Variants in VPS13D observed in about 807,000 individuals in gnomAD.
The protein encoded by VPS13D is intermembrane lipid transfer protein VPS13D.
Under a neutral mutation model 461.9 loss-of-function variants are expected in VPS13D, and 187 were observed. That is an observed-to-expected ratio of 0.40 (90% confidence interval 0.36 to 0.46). The LOEUF (loss-of-function observed/expected upper bound fraction) is 0.46. Among genes scored for constraint, VPS13D ranks in the 20% least tolerant of loss-of-function variants. The pLI, the probability that VPS13D is intolerant of heterozygous loss-of-function variation, is 0.60. For synonymous variants in VPS13D, 1,951 were observed against 1,986.3 expected, an observed-to-expected ratio of 0.98 and a Z score of 0.47; for missense variants, 4,711 against 5,364.9, an observed-to-expected ratio of 0.88 and a Z score of 3.81.
chr1:12,385,117 C>G, intron 58 of VPS13D, 143 bp from the exon 59 acceptor site: 1 of 648,400 alleles, frequency 1.5e-6, no homozygotes, highest in African/African-American at 1.9e-5. Flanking sequence ...CAAATCTTAC[C>G]TTACCAGTGC....
chr1:12,375,014 A>G (rs1427829726), intron 55 of VPS13D, among the ~76,000 whole-genome samples: 2 of 152,232 alleles, frequency 1.3e-5, no homozygotes, highest in African/African-American at 4.8e-5. Flanking sequence ...CTGGGATTAC[A>G]GGCCTGAGCC....
At chr1:12,463,131 A>G (rs2100423658) in intron 67 of VPS13D, among the ~76,000 whole-genome samples, 1 of 152,246 alleles carries the variant, frequency 6.6e-6, no homozygotes, top group African/African-American at 2.4e-5. Context: ...CTGCCTAACC[A>G]TTCACTCCTC....
At chr1:12,476,767 G>T (rs1460243180) in intron 67 of VPS13D, among the ~76,000 whole-genome samples, 2 of 152,168 alleles carry the variant, frequency 1.3e-5, no homozygotes, top group Non-Finnish European at 2.9e-5. Flanking sequence ...ACAAGAGATG[G>T]TTTTCTGTGA....
At chr1:12,447,772 C>T (rs991521848) in intron 65 of VPS13D, among the ~76,000 whole-genome samples, 1 of 152,190 alleles carries the variant, frequency 6.6e-6, no homozygotes, top group African/African-American at 2.4e-5. Context: ...GAAATAAATA[C>T]AAAGTACTTT....
intron 62 of VPS13D, chr1:12,402,630 G>A (rs1246010060): frequency 6.6e-6 from 1 of 152,248 alleles, no homozygotes; most frequent in Non-Finnish European, 1.5e-5. Context: ...GTTTAATGCT[G>A]TGTTTTCCAC....
chr1:12,403,733 A>T, intron 62 of VPS13D, 92 bp from the exon 63 acceptor site: 1 of 1,290,078 alleles, frequency 7.8e-7, no homozygotes, highest in Non-Finnish European at 1.0e-6. Flanking sequence ...CCTTTTTTTG[A>T]TGATTTTTTT....
intron 65 of VPS13D, among the ~76,000 whole-genome samples, chr1:12,430,957 C>A (rs1224714457): frequency 6.6e-6 from 1 of 152,168 alleles, no homozygotes; most frequent in Non-Finnish European, 1.5e-5. Context: ...AATCAATTAA[C>A]GTGACAAACT....
At chr1:12,332,577 A>G (rs1389675745) in intron 37 of VPS13D, among the ~76,000 whole-genome samples, 1 of 152,208 alleles carries the variant, frequency 6.6e-6, no homozygotes, top group African/African-American at 2.4e-5. Flanking sequence ...AGAGCAAGGA[A>G]ATGATTAACT....
At chr1:12,480,038 T>C (rs539668036) in intron 67 of VPS13D, among the ~76,000 whole-genome samples, 1 of 152,312 alleles carries the variant, frequency 6.6e-6, no homozygotes, top group East Asian at 1.9e-4. Flanking sequence ...ACCCTGGCCT[T>C]TTAGTGCCAG....
At chr1:12,240,779 A>G (rs2101196754) in intron 2 of VPS13D, among the ~76,000 whole-genome samples, 1 of 112,232 alleles carries the variant, frequency 8.9e-6, no homozygotes, top group Middle Eastern at 8.9e-3. Flanking sequence ...GGGGTTACAA[A>G]CTTTTTCTTT....
At chr1:12,493,194 A>AG (rs1471429356) in intron 67 of VPS13D, among the ~76,000 whole-genome samples, 2 of 151,716 alleles carry the variant, frequency 1.3e-5, no homozygotes, top group East Asian at 1.9e-4. Context: ...AAAAAAAAAA[A>AG]AAAAAAAGGA....
At chr1:12,360,901 G>T (rs1453539796) in intron 50 of VPS13D, among the ~76,000 whole-genome samples, 1 of 152,208 alleles carries the variant, frequency 6.6e-6, no homozygotes, top group Non-Finnish European at 1.5e-5. Context: ...CTAAGGTGGA[G>T]TTTTCTATTT....
intron 51 of VPS13D, 43 bp from the exon 52 acceptor site, chr1:12,363,029 G>C (rs765285952): frequency 1.2e-6 from 2 of 1,606,558 alleles, no homozygotes; most frequent in Non-Finnish European, 1.7e-6. Flanking sequence ...TTATTGTCAT[G>C]AATCGACTTG....
Position 12,283,660 on chromosome 1 carries a change from A to T in VPS13D, c.5558A>T (p.His1853Leu). 6.2e-7 allele frequency: 1 copy of T among 1,614,208 alleles called. No homozygotes were observed. Among genetic ancestry groups the T allele is most frequent in the Middle Eastern group, 1.6e-4 (1 of 6,062 alleles). Residue 1853 changes from histidine (H) to leucine (L), a missense_variant, in exon 21 of 70, where the codon CAC becomes CTC. This residue lies in a region of VPS13D where 4,411 missense variants were observed against 4,937.8 expected (regional missense o/e 0.89). Coordinates refer to ENST00000620676, the MANE Select transcript of VPS13D (RefSeq NM_015378.4). ...AGGCTGCCTCCTGAGGGCATTCTGC[A>T]CAACGTGAAGTTGGAGCCACATGCC... is the stretch of plus-strand genomic sequence containing the variant. Reference protein sequence around the residue: ...AMRLPPEGILHNVKLEPHASM... With the variant: ...AMRLPPEGILLNVKLEPHASM...
At chr1:12,453,057 C>T (rs1645283276) in intron 65 of VPS13D, among the ~76,000 whole-genome samples, 1 of 152,184 alleles carries the variant, frequency 6.6e-6, no homozygotes, top group Non-Finnish European at 1.5e-5. Context: ...CTTAGGTCAT[C>T]TCATCCCATC....
At position 12,253,935 on chromosome 1, in the gene VPS13D, C is replaced by A. The variant is rs1557665848; in HGVS notation, c.669+109C>A. On this transcript the variant is annotated intron_variant, in intron 7 of 69. Transcript: ENST00000620676. ...TTGCCTCTCTGATTCCAGTTCCCAC[C>A]CACTGTTCCTCTAAAGCCATTCACT... is the stretch of plus-strand genomic sequence containing the variant. 5.0e-6 allele frequency: 4 copies of A among 801,904 alleles called. No individual in the cohort carries two copies. The Middle Eastern group carries it at 7.0e-4, about 139-fold the overall frequency. The allele number at this position is 801,904 out of a possible 1,614,324, so 49.7% of individuals were successfully genotyped here.
At chr1:12,365,540 C>T (rs1365648076) in intron 52 of VPS13D, among the ~76,000 whole-genome samples, 1 of 151,890 alleles carries the variant, frequency 6.6e-6, no homozygotes, top group Non-Finnish European at 1.5e-5. Context: ...CCCATGTCTA[C>T]TGAAAATACA....
At position 12,304,725 on chromosome 1, in the gene VPS13D, C is replaced by A. The variant is rs759578088; in HGVS notation, c.6436C>A (p.Pro2146Thr). 6.2e-7 allele frequency: 1 copy of A among 1,613,612 alleles called. No individual in the cohort carries two copies. The highest frequency in any genetic ancestry group is 1.7e-5 in the Admixed American group (1 of 60,002). Residue 2146 changes from proline (P) to threonine (T), a missense_variant, in exon 26 of 70, where the codon CCA becomes ACA. Pro to Thr is a conservative substitution (Grantham distance 38). This residue lies in a region of VPS13D where 4,411 missense variants were observed against 4,937.8 expected (regional missense o/e 0.89). Transcript: ENST00000620676. ...GTCTGTTGGCCAAGAGTCCAGTAGT[C>A]CAGGTAAAAGAGGAGAAAAGCAACA... ...TLSVGQESSS[P>T]EDHVCLLDCV... is the part of the protein sequence containing the mutation.
intron 66 of VPS13D, among the ~76,000 whole-genome samples, chr1:12,457,460 G>A (rs892069894): frequency 6.6e-6 from 1 of 152,194 alleles, no homozygotes; most frequent in African/African-American, 2.4e-5. Context: ...ATGTGAGGAG[G>A]GGAGAAGGAC....
Sources: gnomAD v4.1 joint callset for allele counts (sites outside exome capture counted in the v4.1 genomes callset) on GRCh38, gnomAD v4.1.1 for gene constraint, gnomAD v4.1.1 regional missense constraint, MANE v1.5 for transcripts, NCBI Gene and HGNC (gene_info 2026-07-23, HGNC 2026-07-21) for gene names.